GABRG3: variants seen among roughly 807,000 people sequenced by gnomAD.
GABRG3 encodes the protein gamma-aminobutyric acid receptor subunit gamma-3.
Under a neutral mutation model 48.8 loss-of-function variants are expected in GABRG3, and 25 were observed. That is an observed-to-expected ratio of 0.51 (90% CI 0.37 to 0.72). GABRG3 has a LOEUF of 0.72. Among genes scored for constraint, GABRG3 ranks in the 30% least tolerant of loss-of-function variants. The pLI is 0.00. For missense variants in GABRG3, 394 were observed against 577.9 expected, an observed-to-expected ratio of 0.68 and a Z score of 3.26; for synonymous variants, 227 against 217.6, an observed-to-expected ratio of 1.04 and a Z score of -0.38.
chr15:27,510,629 A>G (rs73369572), intron 6 of GABRG3, among the ~76,000 whole-genome samples: 7,779 of 152,302 alleles, frequency 0.051, 371 homozygotes, highest in African/African-American at 0.11. Context: ...TAGTGATCAG[A>G]TAGAAATTTC....
intron 6 of GABRG3, among the ~76,000 whole-genome samples, chr15:27,494,862 AT>A (rs1197038449): frequency 1.3e-5 from 2 of 151,896 alleles, no homozygotes; most frequent in Admixed American, 1.3e-4. Flanking sequence ...TGTTTCCCTG[AT>A]TCTACTTGAT....
At chr15:26,988,697 C>CT (rs1367973395) in intron 2 of GABRG3, among the ~76,000 whole-genome samples, 1 of 151,690 alleles carries the variant, frequency 6.6e-6, no homozygotes, top group African/African-American at 2.4e-5. Context: ...ATTTTTCTTT[C>CT]TTTTTTTGCT....
At chr15:27,506,560 T>A (rs1224509393) in intron 6 of GABRG3, among the ~76,000 whole-genome samples, 1 of 152,136 alleles carries the variant, frequency 6.6e-6, no homozygotes, top group African/African-American at 2.4e-5. Flanking sequence ...AGAAGGAGAT[T>A]TTTCCCTAGA....
chr15:27,294,793 CTG>C (rs2094995069), intron 3 of GABRG3: 2 of 152,204 alleles, frequency 1.3e-5, no homozygotes, highest in African/African-American at 4.8e-5. Context: ...TCACTTCTGA[CTG>C]TTGTCTGTAG....
intron 3 of GABRG3, among the ~76,000 whole-genome samples, chr15:27,088,595 C>T (rs1043870642): frequency 3.3e-5 from 5 of 152,102 alleles, no homozygotes; most frequent in African/African-American, 1.2e-4. Flanking sequence ...AACAGCCTGA[C>T]TGGGAGGCCT....
intron 5 of GABRG3, among the ~76,000 whole-genome samples, chr15:27,454,564 C>G (rs1889207446): frequency 6.6e-6 from 1 of 152,206 alleles, no homozygotes; most frequent in Non-Finnish European, 1.5e-5. Flanking sequence ...TAATGCATCA[C>G]CATCCTGACG....
chr15:27,109,982 A>G (rs938416271), intron 3 of GABRG3, among the ~76,000 whole-genome samples: 1 of 152,086 alleles, frequency 6.6e-6, no homozygotes, highest in Non-Finnish European at 1.5e-5. Context: ...CACTTTGTCT[A>G]TCTCTGTCTA....
At chr15:27,517,145 C>T (rs1891039415) in intron 6 of GABRG3, among the ~76,000 whole-genome samples, 1 of 151,810 alleles carries the variant, frequency 6.6e-6, no homozygotes, top group Non-Finnish European at 1.5e-5. Context: ...TTGCCAGTAT[C>T]ATGCACTCCT....
chr15:27,369,498 G>C (rs1458791234), intron 5 of GABRG3, among the ~76,000 whole-genome samples: 1 of 152,160 alleles, frequency 6.6e-6, no homozygotes, highest in African/African-American at 2.4e-5. Context: ...TATCTTTGGT[G>C]TATGAACATG....
At chr15:27,248,152 T>A (rs1342490152) in intron 3 of GABRG3, among the ~76,000 whole-genome samples, 1 of 152,236 alleles carries the variant, frequency 6.6e-6, no homozygotes, top group Non-Finnish European at 1.5e-5. Context: ...ACTCTTATTG[T>A]GGCTGTGTGG....
At chr15:27,027,873 A>G (rs566856012) in intron 3 of GABRG3, among the ~76,000 whole-genome samples, 47 of 152,226 alleles carry the variant, frequency 3.1e-4, no homozygotes, top group African/African-American at 1.1e-3. Flanking sequence ...TTTCTTATGT[A>G]TGTTTCTTGT....
chr15:27,112,718 G>A (rs969195444), intron 3 of GABRG3, among the ~76,000 whole-genome samples: 4 of 152,092 alleles, frequency 2.6e-5, no homozygotes, highest in Admixed American at 6.6e-5. Flanking sequence ...GGAATTACAG[G>A]TGTGAGCCAC....
rs536111740 is a variant in GABRG3, at chr15:27,377,556, G to A, written c.574+48668G>A. Among the ~76,000 whole-genome samples the A allele has an allele frequency of 3.3e-4, 50 of 152,250 alleles. No individual in the cohort carries two copies. The Middle Eastern group carries it at 0.01, about 31-fold the overall frequency. On this transcript the variant is annotated intron_variant, in intron 5 of 9. Transcript: ENST00000615808. ...GCAGACAAGAGAAGAGTGCTTGTGCGGGGAGACTCCTGTTTTTAAAACCAT... is the reference window on the plus strand; with the variant it reads ...GCAGACAAGAGAAGAGTGCTTGTGCAGGGAGACTCCTGTTTTTAAAACCAT...
chr15:27,273,281 A>G (rs1394125299), intron 3 of GABRG3, among the ~76,000 whole-genome samples: 3 of 152,222 alleles, frequency 2.0e-5, no homozygotes, highest in African/African-American at 7.2e-5. Context: ...AATTTTGTCA[A>G]TAAGGTTCAG....
At chr15:27,344,968 ACCT>A (rs1455353632) in intron 5 of GABRG3, among the ~76,000 whole-genome samples, 5 of 151,902 alleles carry the variant, frequency 3.3e-5, no homozygotes, top group Non-Finnish European at 7.4e-5. Flanking sequence ...TTCTTGACAA[ACCT>A]CCTTGTTCTG....
intron 3 of GABRG3, among the ~76,000 whole-genome samples, chr15:27,213,034 T>C (rs1889123864): frequency 6.6e-6 from 1 of 152,224 alleles, no homozygotes; most frequent in South Asian, 2.1e-4. Flanking sequence ...CCTCTCTAGT[T>C]GTACACTCTC....
chr15:27,404,558 G>A (rs911759914), intron 5 of GABRG3, among the ~76,000 whole-genome samples: 1 of 152,200 alleles, frequency 6.6e-6, no homozygotes, highest in Non-Finnish European at 1.5e-5. Context: ...TGGGAGGGCT[G>A]TCTGGTTAAT....
chr15:27,350,322 A>AT, intron 5 of GABRG3: 1 of 376,066 alleles, frequency 2.7e-6, no homozygotes, highest in Non-Finnish European at 5.4e-6. Flanking sequence ...GGGAAATCAC[A>AT]TTTTCTGACT....
At chr15:27,531,267 A>G (rs1891417414) in intron 9 of GABRG3, among the ~76,000 whole-genome samples, 1 of 152,244 alleles carries the variant, frequency 6.6e-6, no homozygotes, top group African/African-American at 2.4e-5. Context: ...CTTCGCATTT[A>G]CAAGAACGCA....
Sources: allele counts gnomAD v4.1 joint callset (sites outside exome capture counted in the v4.1 genomes callset), GRCh38; gene constraint gnomAD v4.1.1; transcripts MANE v1.5; gene names NCBI Gene and HGNC (gene_info 2026-07-23, HGNC 2026-07-21).